IL1RAPL1: variants seen among roughly 807,000 people sequenced by gnomAD.
The protein encoded by IL1RAPL1 is interleukin 1 receptor accessory protein like 1, also known as interleukin-1 receptor accessory protein-like 1.
A neutral mutation model predicts 48.4 loss-of-function variants in IL1RAPL1; 3 were observed. That is an observed-to-expected ratio of 0.06 (90% CI 0.03 to 0.16). The LOEUF (loss-of-function observed/expected upper bound fraction) is 0.16, where lower values mean the gene tolerates loss of function less well. Among genes scored for constraint, IL1RAPL1 ranks in the 10% least tolerant of loss-of-function variants. IL1RAPL1 has a pLI of 1.00. For synonymous variants in IL1RAPL1, 185 were observed against 187.7 expected (o/e 0.99, Z 0.12); for missense variants, 349 against 530.6 (o/e 0.66, Z 3.36).
In IL1RAPL1 at chrX:29,774,411, T is replaced by C. The variant is rs543655655; in HGVS notation, c.778+105907T>C. ...GAGTGTTTGTGCATTTTGTATATAA[T>C]TAGACAAAGAAGTAATTAATATAGA... On this transcript the variant is annotated intron_variant, in intron 6 of 10. Transcript: ENST00000378993. Among the ~76,000 whole-genome samples, 93 of 111,496 alleles carry C rather than the reference T, an allele frequency of 8.3e-4. No homozygotes were observed. In the South Asian group the frequency reaches 0.034, roughly 40 times the overall value.
chrX:29,281,488 A>G (rs1932200614), intron 2 of IL1RAPL1, among the ~76,000 whole-genome samples: 3 of 110,583 alleles, frequency 2.7e-5, no homozygotes, highest in African/African-American at 9.9e-5. Flanking sequence ...AGAAAACCCA[A>G]TCATACCCCA....
chrX:29,253,716 T>A (rs975292721), intron 2 of IL1RAPL1, among the ~76,000 whole-genome samples: 6 of 111,250 alleles, frequency 5.4e-5, no homozygotes, highest in Non-Finnish European at 1.1e-4. Context: ...GTTGAAGATT[T>A]GGGGTGCATC....
intron 5 of IL1RAPL1, among the ~76,000 whole-genome samples, chrX:29,603,938 A>G (rs1173397138): frequency 8.9e-6 from 1 of 112,194 alleles, no homozygotes; most frequent in Non-Finnish European, 1.9e-5. Flanking sequence ...CCTCATTTTT[A>G]TGAAAAGAAA....
intron 2 of IL1RAPL1, among the ~76,000 whole-genome samples, chrX:29,084,677 C>A (rs1251622355): frequency 2.7e-5 from 3 of 111,754 alleles, no homozygotes; most frequent in Admixed American, 9.5e-5. Flanking sequence ...TTTGGTATTC[C>A]AAAAAAAGTA....
chrX:29,333,100 T>C (rs1431648972), intron 3 of IL1RAPL1, among the ~76,000 whole-genome samples: 18 of 111,327 alleles, frequency 1.6e-4, no homozygotes, highest in African/African-American at 5.2e-4. Flanking sequence ...TCCCCACCCT[T>C]CCCGCCTTTC....
chrX:29,817,383 C>A (rs1469612673), intron 6 of IL1RAPL1, among the ~76,000 whole-genome samples: 1 of 111,517 alleles, frequency 9.0e-6, no homozygotes, highest in African/African-American at 3.3e-5. Context: ...TACTCGTTAA[C>A]CAATTTTCTG....
intron 3 of IL1RAPL1, among the ~76,000 whole-genome samples, chrX:29,357,522 T>C (rs1933321076): frequency 8.9e-6 from 1 of 112,285 alleles, no homozygotes; most frequent in South Asian, 3.7e-4. Flanking sequence ...AATCATACAA[T>C]TGAGATAAAG....
intron 2 of IL1RAPL1, among the ~76,000 whole-genome samples, chrX:29,082,610 T>C (rs1053732871): frequency 6.3e-5 from 7 of 111,918 alleles, no homozygotes. Flanking sequence ...AAATTGAAAA[T>C]TCTACAACCC....
At chrX:29,026,470 G>A (rs757736917) in intron 2 of IL1RAPL1, among the ~76,000 whole-genome samples, 6 of 111,158 alleles carry the variant, frequency 5.4e-5, no homozygotes, top group Non-Finnish European at 1.1e-4. Flanking sequence ...ATGCATGCAC[G>A]GCTTAAAACC....
At chrX:28,730,606 G>A (rs1251564114) in intron 1 of IL1RAPL1, among the ~76,000 whole-genome samples, 2 of 111,689 alleles carry the variant, frequency 1.8e-5, no homozygotes, top group Non-Finnish European at 3.8e-5. Flanking sequence ...GAACTGTGAT[G>A]TGTGATATAC....
chrX:28,614,871 TA>T (rs937818324), intron 1 of IL1RAPL1, among the ~76,000 whole-genome samples: 4 of 111,268 alleles, frequency 3.6e-5, no homozygotes, highest in African/African-American at 9.8e-5. Flanking sequence ...GTGACTTACA[TA>T]AACTGTCGTC....
At chrX:29,163,898 C>T (rs558380700) in intron 2 of IL1RAPL1, among the ~76,000 whole-genome samples, 3 of 111,413 alleles carry the variant, frequency 2.7e-5, no homozygotes, top group African/African-American at 9.7e-5. Flanking sequence ...TTGTCTTTTT[C>T]CTTGATCCTT....
At chrX:29,062,236 T>A (rs1927357449) in intron 2 of IL1RAPL1, among the ~76,000 whole-genome samples, 1 of 112,242 alleles carries the variant, frequency 8.9e-6, no homozygotes, top group South Asian at 3.6e-4. Flanking sequence ...AAAATAACCC[T>A]TGAGTAGACT....
At chrX:29,103,261 C>T (rs1909839) in intron 2 of IL1RAPL1, among the ~76,000 whole-genome samples, 20,905 of 110,818 alleles carry the variant, frequency 0.19, 1,846 homozygotes, top group East Asian at 0.44. Context: ...ATGGTACTGG[C>T]CTAGAAATAG....
chrX:29,420,310 T>G (rs1934275631), intron 5 of IL1RAPL1, among the ~76,000 whole-genome samples: 1 of 112,660 alleles, frequency 8.9e-6, no homozygotes, highest in Non-Finnish European at 1.9e-5. Flanking sequence ...AAGAGAAATT[T>G]ATTGTAAAGT....
At chrX:29,374,258 C>T (rs1299398805) in intron 3 of IL1RAPL1, among the ~76,000 whole-genome samples, 1 of 73,156 alleles carries the variant, frequency 1.4e-5, no homozygotes, top group Non-Finnish European at 2.5e-5. Flanking sequence ...GTGAATCCAT[C>T]TGATCCAGGG....
intron 3 of IL1RAPL1, among the ~76,000 whole-genome samples, chrX:29,323,091 C>T (rs1932814893): frequency 8.9e-6 from 1 of 112,239 alleles, no homozygotes; most frequent in South Asian, 3.7e-4. Flanking sequence ...GTCTCATCGT[C>T]CACTTAAGAG....
intron 5 of IL1RAPL1, among the ~76,000 whole-genome samples, chrX:29,465,114 A>G (rs1285663099): frequency 8.9e-6 from 1 of 111,968 alleles, no homozygotes; most frequent in Non-Finnish European, 1.9e-5. Context: ...AAATATAATC[A>G]AAATTTTAGT....
chrX:28,946,660 G>A (rs762880803), intron 2 of IL1RAPL1, among the ~76,000 whole-genome samples: 24 of 110,448 alleles, frequency 2.2e-4, no homozygotes, highest in African/African-American at 7.6e-4. Context: ...ATATTTATTG[G>A]GCCCTTGGTA....
Sources: allele counts gnomAD v4.1 joint callset (sites outside exome capture counted in the v4.1 genomes callset), GRCh38; gene constraint gnomAD v4.1.1; transcripts MANE v1.5; gene names NCBI Gene and HGNC (gene_info 2026-07-23, HGNC 2026-07-21).